Variants in C11orf65 observed in about 807,000 individuals in gnomAD.
C11orf65 encodes protein MFI.
In C11orf65, 38 loss-of-function variants were observed where a neutral mutation model predicts 35.3. That is an observed-to-expected ratio of 1.08 (90% CI 0.83 to 1.41). The LOEUF is 1.41. Among genes scored for constraint, C11orf65 ranks in the 40% most tolerant of loss-of-function variants. The pLI, the probability that C11orf65 is intolerant of heterozygous loss-of-function variation, is 0.00. For missense variants in C11orf65, 370 were observed against 367.1 expected (o/e 1.01, Z -0.06); for synonymous variants, 105 against 114.4 (o/e 0.92, Z 0.53).
intron 3 of C11orf65, among the ~76,000 whole-genome samples, chr11:108,333,719 A>G (rs1263241872): frequency 2.0e-5 from 3 of 152,108 alleles, no homozygotes; most frequent in Non-Finnish European, 2.9e-5. Flanking sequence ...TTGAGCTTTG[A>G]CTCTGAGCTG....
chr11:108,461,308 G>A (rs1470312175), intron 2 of C11orf65, among the ~76,000 whole-genome samples, 171 bp downstream of exon 2: 3 of 152,024 alleles, frequency 2.0e-5, no homozygotes, highest in East Asian at 3.9e-4. Flanking sequence ...GCTGAGGTGG[G>A]AGAATTGCTC....
chr11:108,453,932 C>T (rs2135688369), intron 2 of C11orf65, among the ~76,000 whole-genome samples: 1 of 152,276 alleles, frequency 6.6e-6, no homozygotes, highest in African/African-American at 2.4e-5. Context: ...TAGAAGTATG[C>T]TCTCCTCTTT....
chr11:108,464,967 T>C (rs1268768069), intron 1 of C11orf65, among the ~76,000 whole-genome samples: 1 of 152,128 alleles, frequency 6.6e-6, no homozygotes, highest in East Asian at 1.9e-4. Flanking sequence ...ACTCTAAATT[T>C]TAGAAAAGTA....
chr11:108,341,975 C>G (rs2087635177), intron 2 of C11orf65, among the ~76,000 whole-genome samples: 1 of 152,090 alleles, frequency 6.6e-6, no homozygotes. Context: ...GGGTATATAC[C>G]CTAGAGCAGA....
downstream of C11orf65, among the ~76,000 whole-genome samples, chr11:108,378,159 G>A (rs1224053302): frequency 1.3e-5 from 2 of 152,142 alleles, no homozygotes; most frequent in African/African-American, 2.4e-5. Context: ...ACCAAAAAGG[G>A]CCCGCATCGG....
At chr11:108,412,370 A>T (rs2092673133) in intron 3 of C11orf65, among the ~76,000 whole-genome samples, 1 of 152,208 alleles carries the variant, frequency 6.6e-6, no homozygotes, top group African/African-American at 2.4e-5. Flanking sequence ...TATCGATTGA[A>T]CTATATCAAT....
At chr11:108,428,686 T>C (rs992871660) in intron 3 of C11orf65, among the ~76,000 whole-genome samples, 2 of 152,022 alleles carry the variant, frequency 1.3e-5, no homozygotes, top group African/African-American at 4.8e-5. Flanking sequence ...AGAGGAGGGA[T>C]AGCGTTAGGA....
Position 108,391,403 on chromosome 11 carries a change from C to T in C11orf65, c.731+1805G>A, listed in dbSNP as rs370893175. Among the ~76,000 whole-genome samples, 7 of 151,960 alleles carry T rather than the reference C, an allele frequency of 4.6e-5. No individual in the cohort carries two copies. The East Asian group carries it at 7.7e-4, about 17-fold the overall frequency. On this transcript the variant is annotated intron_variant, in intron 7 of 8. Coordinates refer to ENST00000393084, the MANE Select transcript of C11orf65 (RefSeq NM_152587.5). Reference sequence around the variant, plus strand: ...GAATTTTCTTTTCTTTTTTTTGAGACGGAGTTTCACTCGTTGCCCAGGCTG... The same window carrying T: ...GAATTTTCTTTTCTTTTTTTTGAGATGGAGTTTCACTCGTTGCCCAGGCTG...
At chr11:108,354,748 TAA>T (rs2089676092) in intron 2 of C11orf65, 1 of 1,367,530 alleles carries the variant, frequency 7.3e-7, no homozygotes, top group African/African-American at 1.4e-5. Flanking sequence ...AGTATACAGA[TAA>T]AGATACGTTG....
intron 6 of C11orf65, among the ~76,000 whole-genome samples, chr11:108,395,620 A>ATTTT (rs536560810): frequency 4.9e-5 from 6 of 123,386 alleles, no homozygotes; most frequent in East Asian, 4.6e-4. Context: ...CCCAGCCCAA[A>ATTTT]TTTTTTTTTT....
intron 2 of C11orf65, among the ~76,000 whole-genome samples, chr11:108,338,339 G>C (rs2087086151): frequency 6.6e-6 from 1 of 152,084 alleles, no homozygotes; most frequent in Non-Finnish European, 1.5e-5. Context: ...GTGACAGACC[G>C]AGACTTCTTC....
chr11:108,451,584 G>A (rs1333772276), intron 2 of C11orf65, among the ~76,000 whole-genome samples: 1 of 151,902 alleles, frequency 6.6e-6, no homozygotes, highest in African/African-American at 2.4e-5. Context: ...CACTGCCCAA[G>A]GTAATTTATA....
At chr11:108,463,337 T>C (rs12295336) in intron 1 of C11orf65, among the ~76,000 whole-genome samples, 1,737 of 152,306 alleles carry the variant, frequency 0.011, 26 homozygotes, top group African/African-American at 0.038. Context: ...CATTTTTCCC[T>C]TTTGACGTTT....
At chr11:108,399,585 T>C (rs2092397693) in intron 6 of C11orf65, among the ~76,000 whole-genome samples, 1 of 152,214 alleles carries the variant, frequency 6.6e-6, no homozygotes. Context: ...TCATGGGGAC[T>C]TCCTATGAAG....
At chr11:108,408,674 T>TG (rs1555166430) in intron 3 of C11orf65, among the ~76,000 whole-genome samples, 86 of 77,232 alleles carry the variant, frequency 1.1e-3, no homozygotes, top group African/African-American at 4.6e-3. Context: ...TCTGTCTCAA[T>TG]AAATAAAATA....
chr11:108,367,826 C>G, intron 2 of C11orf65: 1 of 208,624 alleles, frequency 4.8e-6, no homozygotes, highest in Non-Finnish European at 9.8e-6. Flanking sequence ...ACAAACTTAC[C>G]TTGGTGTATC....
At chr11:108,359,260 T>C (rs1192926082) in intron 2 of C11orf65, among the ~76,000 whole-genome samples, 1 of 151,496 alleles carries the variant, frequency 6.6e-6, no homozygotes, top group Admixed American at 6.6e-5. Context: ...CCTAAATATA[T>C]ATGCACCCAA....
chr11:108,393,270 A>C lies in C11orf65; in HGVS notation c.669T>G (p.Asp223Glu), dbSNP rs968621758. The change falls in exon 7 of 9, where the codon GAT becomes GAG. Residue 223 changes from aspartate to glutamate, a missense_variant. Transcript: ENST00000393084. ...LIRAFEDGGIDSVMEWEVDEV... is the reference protein window; with the variant it reads ...LIRAFEDGGIESVMEWEVDEV... ...CATCCACTTCCCATTCCATCACAGA[A>C]TCTATCCCCCCATCTTCAAAAGCTC... is the stretch of plus-strand genomic sequence containing the variant. 6.2e-7 allele frequency: 1 copy of C among 1,613,950 alleles called. No individual in the cohort carries two copies. The highest frequency in any genetic ancestry group is 1.3e-5 in the African/African-American group (1 of 74,908).
chr11:108,336,044 C>A, intron 2 of C11orf65: 2 of 1,079,512 alleles, frequency 1.9e-6, no homozygotes, highest in South Asian at 1.3e-5. Context: ...TGCCCATATT[C>A]ATAATGCTTT....
Sources: gnomAD v4.1 joint callset for allele counts (sites outside exome capture counted in the v4.1 genomes callset) on GRCh38, gnomAD v4.1.1 for gene constraint, MANE v1.5 for transcripts, NCBI Gene and HGNC (gene_info 2026-07-23, HGNC 2026-07-21) for gene names.